The following PKIB variants were observed in gnomAD, a reference collection of about 807,000 sequenced individuals.
PKIB encodes the protein cAMP-dependent protein kinase inhibitor beta.
PKIB carries 2 observed loss-of-function variants against 4.5 expected under a neutral mutation model. The ratio of observed to expected loss-of-function variants is 0.44; its 90% confidence interval spans 0.18 to 1.39. PKIB has a LOEUF of 1.39. PKIB is among the 40% of genes most tolerant of loss of function. The pLI, the probability that PKIB is intolerant of heterozygous loss-of-function variation, is 0.27. For synonymous variants in PKIB, 38 were observed against 36.0 expected (o/e 1.06, Z -0.20); for missense variants, 94 against 92.6 (o/e 1.02, Z -0.06).
intron 1 of PKIB, among the ~76,000 whole-genome samples, chr6:122,631,677 C>G (rs1475694002): frequency 6.6e-6 from 1 of 152,154 alleles, no homozygotes; most frequent in Non-Finnish European, 1.5e-5. Flanking sequence ...GTCTGTCATT[C>G]ACCTCCAGGA....
chr6:122,567,403 G>A (rs1388748648), intron 2 of PKIB, among the ~76,000 whole-genome samples: 2 of 152,102 alleles, frequency 1.3e-5, no homozygotes, highest in Non-Finnish European at 2.9e-5. Flanking sequence ...TTGATTGGCT[G>A]TTTTCTGTTC....
upstream of PKIB, chr6:122,610,325 C>T (rs1477695924): frequency 1.3e-5 from 2 of 152,308 alleles, no homozygotes; most frequent in Non-Finnish European, 2.9e-5. Context: ...GCGCTCGTAG[C>T]CTGGGGGCGG....
chr6:122,672,742 A>C (rs1263800814), intron 2 of PKIB, among the ~76,000 whole-genome samples: 1 of 151,682 alleles, frequency 6.6e-6, no homozygotes, highest in Non-Finnish European at 1.5e-5. Context: ...AATATAGCAA[A>C]TAAGTTATAT....
At chr6:122,543,352 C>G (rs759490664) in intron 2 of PKIB, among the ~76,000 whole-genome samples, 1 of 150,944 alleles carries the variant, frequency 6.6e-6, no homozygotes, top group Non-Finnish European at 1.5e-5. Flanking sequence ...GCCCCACCCC[C>G]TCCTTTTTTT....
intron 2 of PKIB, among the ~76,000 whole-genome samples, chr6:122,658,362 A>G (rs1776854301): frequency 6.6e-6 from 1 of 152,212 alleles, no homozygotes; most frequent in Admixed American, 6.5e-5. Context: ...TCATAAAAGT[A>G]ATGATACAAT....
chr6:122,573,131 A>G (rs1773418154), intron 2 of PKIB, among the ~76,000 whole-genome samples: 1 of 152,228 alleles, frequency 6.6e-6, no homozygotes, highest in African/African-American at 2.4e-5. Flanking sequence ...CCAGTATAAC[A>G]CTAATACCAA....
intron 2 of PKIB, among the ~76,000 whole-genome samples, chr6:122,533,025 G>A (rs1205970919): frequency 6.6e-6 from 1 of 151,984 alleles, no homozygotes; most frequent in Non-Finnish European, 1.5e-5. Context: ...CCAGTTTTTA[G>A]TTGCTTTTTT....
intron 1 of PKIB, among the ~76,000 whole-genome samples, chr6:122,614,183 T>G (rs1298425094): frequency 6.6e-6 from 1 of 151,982 alleles, no homozygotes; most frequent in African/African-American, 2.4e-5. Flanking sequence ...TTCAGAGATG[T>G]TTAGATAAAA....
At chr6:122,671,836 T>A (rs1048753203) in intron 2 of PKIB, among the ~76,000 whole-genome samples, 5 of 152,214 alleles carry the variant, frequency 3.3e-5, no homozygotes, top group African/African-American at 1.2e-4. Context: ...CCTTTATGCA[T>A]GTTATTTGCA....
intron 2 of PKIB, chr6:122,531,249 C>T (rs1777248211): frequency 6.6e-6 from 1 of 151,964 alleles, no homozygotes; most frequent in South Asian, 2.1e-4. Flanking sequence ...TTTCTGCTGC[C>T]CCGTCATGTC....
intron 1 of PKIB, among the ~76,000 whole-genome samples, chr6:122,627,070 TAAAA>T (rs60344840): frequency 2.8e-5 from 3 of 108,340 alleles, no homozygotes; most frequent in Non-Finnish European, 3.7e-5. Flanking sequence ...CCGTCTCTAC[TAAAA>T]AAAAAAAAAA....
upstream of PKIB, among the ~76,000 whole-genome samples, chr6:122,607,418 T>TA (rs1774579659): frequency 6.6e-6 from 1 of 152,194 alleles, no homozygotes; most frequent in Non-Finnish European, 1.5e-5. Context: ...CTCTGGAGGC[T>TA]AAGGTGGGAA....
chr6:122,583,696 A>C (rs888742502), intron 2 of PKIB, among the ~76,000 whole-genome samples: 2 of 152,110 alleles, frequency 1.3e-5, no homozygotes, highest in African/African-American at 4.8e-5. Context: ...AATAAACACC[A>C]TTAATCATAA....
intron 1 of PKIB, among the ~76,000 whole-genome samples, chr6:122,624,788 C>G (rs750214634): frequency 6.6e-6 from 1 of 152,154 alleles, no homozygotes; most frequent in Non-Finnish European, 1.5e-5. Context: ...GGATGCATCT[C>G]ACTATCTTTA....
At chr6:122,580,740 C>G (rs946873455) in intron 2 of PKIB, among the ~76,000 whole-genome samples, 3 of 152,106 alleles carry the variant, frequency 2.0e-5, no homozygotes, top group Non-Finnish European at 2.9e-5. Context: ...ACCTTCCCCC[C>G]ACCAACTTTT....
At chr6:122,513,127 A>G (rs1030368460) in intron 2 of PKIB, among the ~76,000 whole-genome samples, 7 of 152,180 alleles carry the variant, frequency 4.6e-5, no homozygotes, top group African/African-American at 1.7e-4. Context: ...CCATATTATC[A>G]TCCTCAATTG....
intron 3 of PKIB, among the ~76,000 whole-genome samples, chr6:122,694,552 T>A (rs562960781): frequency 6.6e-6 from 1 of 152,342 alleles, no homozygotes; most frequent in African/African-American, 2.4e-5. Context: ...TTTCTCAATT[T>A]TTTTTTCTTC....
chr6:122,623,966 A>G (rs1240915624), intron 1 of PKIB, among the ~76,000 whole-genome samples: 1 of 152,180 alleles, frequency 6.6e-6, no homozygotes, highest in Non-Finnish European at 1.5e-5. Context: ...TCTTTGTGAC[A>G]AGAATTCAGT....
chr6:122,554,310 A>C (rs1464598333), intron 2 of PKIB, among the ~76,000 whole-genome samples: 1 of 152,212 alleles, frequency 6.6e-6, no homozygotes, highest in African/African-American at 2.4e-5. Flanking sequence ...GCATTGTCTC[A>C]ATGATCTGCT....
Sources: gnomAD v4.1 joint callset for allele counts (sites outside exome capture counted in the v4.1 genomes callset) on GRCh38, gnomAD v4.1.1 for gene constraint, MANE v1.5 for transcripts, NCBI Gene and HGNC (gene_info 2026-07-23, HGNC 2026-07-21) for gene names.